UBE4B: variants seen among roughly 807,000 people sequenced by gnomAD.
UBE4B encodes the protein ubiquitination factor E4B.
UBE4B carries 27 observed loss-of-function variants against 148.1 expected under a neutral mutation model. The ratio of observed to expected loss-of-function variants is 0.18; its 90% CI spans 0.13 to 0.25. The LOEUF is 0.25. Ranked by LOEUF, UBE4B falls within the 10% of genes least tolerant of loss-of-function variation. The pLI is 1.00. For missense variants in UBE4B, 1,170 were observed against 1,662.4 expected, an observed-to-expected ratio of 0.70 and a Z score of 5.15; for synonymous variants, 596 against 619.3, an observed-to-expected ratio of 0.96 and a Z score of 0.56.
intron 11 of UBE4B, chr1:10,129,073 A>AAT (rs1230070473): frequency 1.7e-5 from 4 of 233,586 alleles, no homozygotes; most frequent in Non-Finnish European, 3.3e-5. Flanking sequence ...TTTTGTAAAA[A>AAT]ACATATATAG....
At chr1:10,152,225 T>G (rs1021885446) in intron 21 of UBE4B, among the ~76,000 whole-genome samples, 2 of 151,068 alleles carry the variant, frequency 1.3e-5, no homozygotes, top group Non-Finnish European at 2.9e-5. Flanking sequence ...CGCCACTGTA[T>G]TCCAGCCTGG....
chr1:10,075,953 A>G (rs1437242240), intron 2 of UBE4B, among the ~76,000 whole-genome samples: 1 of 152,160 alleles, frequency 6.6e-6, no homozygotes, highest in African/African-American at 2.4e-5. Flanking sequence ...CTGAGGTGGG[A>G]CGATTGCTTG....
intron 16 of UBE4B, 148 bp from the exon 17 acceptor site, chr1:10,136,919 T>G: frequency 2.1e-6 from 2 of 958,106 alleles, no homozygotes; most frequent in Non-Finnish European, 3.0e-6. Flanking sequence ...AAAGTCCATC[T>G]CAAATAAATA....
intron 22 of UBE4B, among the ~76,000 whole-genome samples, chr1:10,159,530 A>C (rs981419607): frequency 6.6e-6 from 1 of 152,132 alleles, no homozygotes; most frequent in African/African-American, 2.4e-5. Context: ...AAAATTAGCC[A>C]GGCATGGTGG....
intron 23 of UBE4B, among the ~76,000 whole-genome samples, chr1:10,162,887 A>G (rs533584243): frequency 3.3e-5 from 5 of 152,166 alleles, no homozygotes; most frequent in African/African-American, 1.2e-4. Flanking sequence ...TATGTATTAA[A>G]GTTCTACCCA....
At chr1:10,133,658 C>A (rs1179840423) in intron 15 of UBE4B, among the ~76,000 whole-genome samples, 1 of 152,100 alleles carries the variant, frequency 6.6e-6, no homozygotes, top group Non-Finnish European at 1.5e-5. Flanking sequence ...CGCCTGTAAT[C>A]TCAGCACTTT....
chr1:10,053,883 C>T (rs577090076), intron 1 of UBE4B, among the ~76,000 whole-genome samples: 18 of 152,090 alleles, frequency 1.2e-4, no homozygotes, highest in East Asian at 1.9e-4. Context: ...GACAAGGCCT[C>T]GCTATGTTGC....
At chr1:10,069,470 G>GA (rs1171327963) in intron 1 of UBE4B, among the ~76,000 whole-genome samples, 1 of 152,148 alleles carries the variant, frequency 6.6e-6, no homozygotes, top group Non-Finnish European at 1.5e-5. Flanking sequence ...GAGCCACGGA[G>GA]AAAAAATAAG....
intron 17 of UBE4B, among the ~76,000 whole-genome samples, chr1:10,139,379 A>G (rs1036760564): frequency 4.0e-5 from 6 of 151,400 alleles, no homozygotes; most frequent in African/African-American, 1.5e-4. Flanking sequence ...CAAGAGTGAG[A>G]CTCTGTCTCA....
At chr1:10,167,474 T>TGAC (rs1553154837) in intron 23 of UBE4B, among the ~76,000 whole-genome samples, 10 of 149,642 alleles carry the variant, frequency 6.7e-5, no homozygotes, top group African/African-American at 2.5e-4. Context: ...ATAATAATAA[T>TGAC]GACTAAGTAA....
intron 16 of UBE4B, among the ~76,000 whole-genome samples, 167 bp from the exon 17 acceptor site, chr1:10,136,900 A>G (rs1057001605): frequency 2.6e-5 from 4 of 152,226 alleles, no homozygotes; most frequent in African/African-American, 9.6e-5. Flanking sequence ...TGCCTGGGTG[A>G]CGAGAGCAAA....
chr1:10,098,767 G>A (rs1482452812), intron 3 of UBE4B, among the ~76,000 whole-genome samples: 10 of 152,162 alleles, frequency 6.6e-5, no homozygotes, highest in Admixed American at 2.6e-4. Context: ...TAATATAAAG[G>A]GCATCTACCA....
chr1:10,106,729 C>T lies in UBE4B; in HGVS notation c.1196+146C>T. 1 of 1,135,102 alleles carries T rather than the reference C, an allele frequency of 8.8e-7. No homozygotes were observed. Among genetic ancestry groups the T allele is most frequent in the Non-Finnish European group, 1.2e-6 (1 of 843,150 alleles). 70.3% of individuals were successfully genotyped at this position (1,135,102 alleles called of 1,614,324 possible). A position where few individuals can be genotyped will look rare whatever the true frequency, so the allele number is the denominator to read the frequency against. Reference sequence around the variant, plus strand: ...CTGTGTGGCTAACTAGTTTGGTAGGCACGTACTCTGAGTCCATGCTTCTGC... The same window carrying T: ...CTGTGTGGCTAACTAGTTTGGTAGGTACGTACTCTGAGTCCATGCTTCTGC... On this transcript the variant is annotated intron_variant, in intron 7 of 27. Transcript: ENST00000343090. The surrounding 1 kb of genome is among the most constrained non-coding windows in gnomAD (Gnocchi z 4.2).
chr1:10,170,232 A>G (rs934337006), intron 24 of UBE4B, among the ~76,000 whole-genome samples: 37 of 152,298 alleles, frequency 2.4e-4, no homozygotes, highest in African/African-American at 8.4e-4. Flanking sequence ...TGACTAGCTC[A>G]GATCTCTCCT....
At chr1:10,072,432 C>G (rs1297665189) in intron 2 of UBE4B, 6 of 665,534 alleles carry the variant, frequency 9.0e-6, no homozygotes. Flanking sequence ...CCATAACTTC[C>G]ATCTTTTTTT....
In UBE4B at chr1:10,080,885, T is replaced by C. The variant is rs72861424; in HGVS notation, c.211+8671T>C. On this transcript the variant is annotated intron_variant, in intron 2 of 27. Coordinates refer to ENST00000343090, the MANE Select transcript of UBE4B (RefSeq NM_001105562.3). ...TGAACTCATACAAATAGACAGTAGA[T>C]GGTGGTTACCAGAGGCTGGGGAATG... 8.4e-3 allele frequency among the ~76,000 whole-genome samples: 1,285 copies of C among 152,238 alleles called. 25 individuals carry two copies. Among genetic ancestry groups the C allele is most frequent in the African/African-American group, 0.03 (1,239 of 41,536 alleles).
chr1:10,161,308 T>A lies in UBE4B; in HGVS notation c.3198+22T>A. On this transcript the variant is annotated intron_variant, in intron 23 of 27. Coordinates refer to ENST00000343090, the MANE Select transcript of UBE4B (RefSeq NM_001105562.3). The surrounding 1 kb of genome is among the most constrained non-coding windows in gnomAD (Gnocchi z 4.1). ...CCGGGTGAGGACGTGGTCCAGAGGC[T>A]TGGACAGCTTTGCAGGCCATCTGCC... The A allele has an allele frequency of 6.2e-7, 1 of 1,610,096 alleles. No individual in the cohort carries two copies. The highest frequency in any genetic ancestry group is 8.5e-7 in the Non-Finnish European group (1 of 1,177,296).
chr1:10,039,198 T>A (rs1643665618), intron 1 of UBE4B, among the ~76,000 whole-genome samples: 1 of 152,064 alleles, frequency 6.6e-6, no homozygotes, highest in Non-Finnish European at 1.5e-5. Context: ...TATGCACAAC[T>A]CACTTAAGAA....
At chr1:10,116,468 G>A (rs557605447) in intron 7 of UBE4B, among the ~76,000 whole-genome samples, 163 of 152,184 alleles carry the variant, frequency 1.1e-3, no homozygotes, top group African/African-American at 3.7e-3. Flanking sequence ...ATCATCTTCT[G>A]TATGTAGGTT....
Sources: allele counts gnomAD v4.1 joint callset (sites outside exome capture counted in the v4.1 genomes callset), GRCh38; gene constraint gnomAD v4.1.1; non-coding constraint Gnocchi (gnomAD v3.1); transcripts MANE v1.5; gene names NCBI Gene and HGNC (gene_info 2026-07-23, HGNC 2026-07-21).